TFEB: variants seen among roughly 807,000 people sequenced by gnomAD.
TFEB encodes the protein transcription factor EB.
A neutral mutation model predicts 48.0 loss-of-function variants in TFEB; 12 were observed. The observed-to-expected ratio is 0.25, with a 90% CI of 0.16 to 0.40. The LOEUF (loss-of-function observed/expected upper bound fraction) is 0.40, where lower values mean the gene tolerates loss of function less well. Among genes scored for constraint, TFEB ranks in the 10% least tolerant of loss-of-function variants. The pLI is 1.00. For missense variants in TFEB, 509 were observed against 640.3 expected, an observed-to-expected ratio of 0.79 and a Z score of 2.21; for synonymous variants, 244 against 261.4, an observed-to-expected ratio of 0.93 and a Z score of 0.64.
chr6:41,700,540 C>G (rs1330399805), intron 1 of TFEB, among the ~76,000 whole-genome samples: 2 of 151,974 alleles, frequency 1.3e-5, no homozygotes, highest in Non-Finnish European at 2.9e-5. Context: ...AAAGGGAGAT[C>G]TGCACAATGC....
intron 1 of TFEB, among the ~76,000 whole-genome samples, chr6:41,696,910 CAGGA>C (rs1769617578): frequency 1.3e-5 from 2 of 152,122 alleles, no homozygotes; most frequent in Non-Finnish European, 2.9e-5. Flanking sequence ...TGTTAGAACT[CAGGA>C]TCCTAATTAC....
chr6:41,702,110 G>A (rs974280384), intron 1 of TFEB, among the ~76,000 whole-genome samples: 6 of 152,060 alleles, frequency 3.9e-5, no homozygotes, highest in African/African-American at 1.4e-4. Context: ...CATGTAGATG[G>A]CTTGTTGTCC....
intron 7 of TFEB, chr6:41,686,845 T>C (rs1326107623): frequency 3.7e-6 from 2 of 544,944 alleles, no homozygotes; most frequent in African/African-American, 3.8e-5. Context: ...GAAAACTTTC[T>C]CAGCATGACT....
chr6:41,686,664 CA>C, intron 7 of TFEB: 1 of 250,128 alleles, frequency 4.0e-6, no homozygotes, highest in Admixed American at 5.0e-5. Context: ...TGTAGGCACA[CA>C]CCACTGTGCC....
At chr6:41,735,306 G>A (rs1771634289) in intron 1 of TFEB, 44 bp downstream of exon 1, 5 of 984,460 alleles carry the variant, frequency 5.1e-6, no homozygotes, top group Non-Finnish European at 6.0e-6. Flanking sequence ...TGGGTCGGGG[G>A]TCCCGGGCCC....
upstream of TFEB, among the ~76,000 whole-genome samples, chr6:41,735,855 G>C (rs1771658988): frequency 6.6e-6 from 1 of 152,176 alleles, no homozygotes; most frequent in South Asian, 2.1e-4. Context: ...GGCTCACTAA[G>C]ATACATTCTG....
At chr6:41,688,523 C>A (rs1769133594) in intron 4 of TFEB, among the ~76,000 whole-genome samples, 1 of 151,972 alleles carries the variant, frequency 6.6e-6, no homozygotes. Context: ...GTATCTGGAT[C>A]CCCAGTACAG....
intron 1 of TFEB, among the ~76,000 whole-genome samples, chr6:41,703,370 G>A (rs553727863): frequency 1.3e-5 from 2 of 152,122 alleles, no homozygotes; most frequent in East Asian, 1.9e-4. Context: ...AGCCACCCCC[G>A]CCTCAGCCCT....
chr6:41,728,296 T>A (rs188413910), intron 1 of TFEB, among the ~76,000 whole-genome samples: 1 of 152,164 alleles, frequency 6.6e-6, no homozygotes, highest in African/African-American at 2.4e-5. Context: ...TACATGCCTG[T>A]TGACACTGAA....
intron 1 of TFEB, among the ~76,000 whole-genome samples, chr6:41,698,677 G>A (rs762565777): frequency 5.3e-5 from 8 of 152,140 alleles, no homozygotes; most frequent in Admixed American, 3.9e-4. Flanking sequence ...GGAGCTGCCC[G>A]GTCAGTCCTG....
At chr6:41,685,125 A>G in intron 8 of TFEB, 47 bp from the exon 9 acceptor site, 3 of 1,388,030 alleles carry the variant, frequency 2.2e-6, no homozygotes, top group Non-Finnish European at 2.8e-6. Context: ...TATGGGCACC[A>G]GCCACCAGGA....
In TFEB at chr6:41,690,839, C is replaced by G. The variant is rs1473263334; in HGVS notation, c.292G>C (p.Glu98Gln). The change falls in exon 3 of 9, where the codon GAG (glutamate) becomes CAG (glutamine). Residue 98 changes from glutamate (E) to glutamine (Q), a missense_variant. By Grantham distance (29) the Glu-to-Gln change is conservative. Around this residue, in one of 4 missense-constraint regions of TFEB, gnomAD observed 251 missense variants for 317.2 expected, o/e 0.79. Transcript: ENST00000373033. ...GCAGCAAACTTGTTCCCATAGGTCTCGGACAGGTACTCCCGCACCTTCTGA... is the reference window on the plus strand; with the variant it reads ...GCAGCAAACTTGTTCCCATAGGTCTGGGACAGGTACTCCCGCACCTTCTGA... ...QHQKVREYLS[E>Q]TYGNKFAAHI... The G allele has an allele frequency of 1.9e-6, 3 of 1,612,940 alleles. No homozygotes were observed. The highest frequency in any genetic ancestry group is 2.5e-6 in the Non-Finnish European group (3 of 1,179,316).
At position 41,723,745 on chromosome 6, in the gene TFEB, C is replaced by A. The variant is rs1771088591; in HGVS notation, c.-23+11605G>T. 2.6e-6 allele frequency: 1 copy of A among 377,450 alleles called. No individual in the cohort carries two copies. The highest frequency in any genetic ancestry group is 7.3e-5 in the East Asian group (1 of 13,710). The allele number at this position is 377,450 out of a possible 1,614,324, so 23.4% of individuals were successfully genotyped here. A position where few individuals can be genotyped will look rare whatever the true frequency, so the allele number is the denominator to read the frequency against. On this transcript the variant is annotated intron_variant, in intron 1 of 8. Transcript: ENST00000373033. This position sits in a 1 kb window ranked among gnomAD's most constrained non-coding sequence, Gnocchi z 6.0. Reference sequence around the variant, plus strand: ...CCCAACACAGACTGCTTCAATCTCACCCGCCCGGCTCCAGGCGCCCACAGC... The same window carrying A: ...CCCAACACAGACTGCTTCAATCTCAACCGCCCGGCTCCAGGCGCCCACAGC...
At chr6:41,711,122 G>C (rs934779897) in intron 1 of TFEB, among the ~76,000 whole-genome samples, 2 of 152,242 alleles carry the variant, frequency 1.3e-5, no homozygotes, top group East Asian at 3.8e-4. Flanking sequence ...AGCCGTGATA[G>C]AGCCAGTGCC....
At chr6:41,732,798 G>A in intron 1 of TFEB, 1 of 985,876 alleles carries the variant, frequency 1.0e-6, no homozygotes, top group Non-Finnish European at 1.2e-6. Context: ...GCAGCTCTGG[G>A]AACCCTGAAC....
At position 41,690,820 on chromosome 6, in the gene TFEB, A is replaced by C. The variant is rs890814726; in HGVS notation, c.311T>G (p.Phe104Cys). Residue 104 changes from phenylalanine (F) to cysteine (C), a missense_variant, in exon 3 of 9, where the codon TTT (phenylalanine) becomes TGT (cysteine). By Grantham distance (205) the Phe-to-Cys change is radical (BLOSUM62 -2). Coordinates refer to ENST00000373033, the MANE Select transcript of TFEB (RefSeq NM_001271944.2). ...CTGGGCTGGGCTGATGTGGGCAGCA[A>C]ACTTGTTCCCATAGGTCTCGGACAG... is the stretch of plus-strand genomic sequence containing the variant. ...EYLSETYGNK[F>C]AAHISPAQGS... is the part of the protein sequence containing the mutation. 6.2e-7 allele frequency: 1 copy of C among 1,613,324 alleles called. No individual in the cohort carries two copies. The highest frequency in any genetic ancestry group is 1.7e-5 in the Admixed American group (1 of 59,998).
At chr6:41,722,614 C>G (rs570522842) in intron 1 of TFEB, among the ~76,000 whole-genome samples, 1 of 152,358 alleles carries the variant, frequency 6.6e-6, no homozygotes, top group African/African-American at 2.4e-5. Context: ...AGCAGCATCC[C>G]CCTCATGGGG....
chr6:41,710,481 G>C (rs1490853397), intron 1 of TFEB, among the ~76,000 whole-genome samples: 1 of 152,220 alleles, frequency 6.6e-6, no homozygotes, highest in African/African-American at 2.4e-5. Context: ...GGTAACTACG[G>C]ATCAGAAAGA....
At chr6:41,731,311 C>T (rs958657160) in intron 1 of TFEB, among the ~76,000 whole-genome samples, 2 of 152,110 alleles carry the variant, frequency 1.3e-5, no homozygotes, top group Admixed American at 6.5e-5. Context: ...CCAGAGCCCA[C>T]GTTCTCAACA....
Sources: gnomAD v4.1 joint callset for allele counts (sites outside exome capture counted in the v4.1 genomes callset) on GRCh38, gnomAD v4.1.1 for gene constraint, gnomAD v4.1.1 regional missense constraint, Gnocchi (gnomAD v3.1) non-coding constraint, MANE v1.5 for transcripts, NCBI Gene and HGNC (gene_info 2026-07-23, HGNC 2026-07-21) for gene names.